SLC30A4: variants seen among roughly 807,000 people sequenced by gnomAD.
SLC30A4 encodes the protein solute carrier family 30 member 4, also known as probable proton-coupled zinc antiporter SLC30A4.
In SLC30A4, 20 loss-of-function variants were observed where a neutral mutation model predicts 41.7. That is an observed-to-expected ratio of 0.48 (90% confidence interval 0.34 to 0.70). The LOEUF (loss-of-function observed/expected upper bound fraction) is 0.70. Ranked by LOEUF, SLC30A4 falls within the 30% of genes least tolerant of loss-of-function variation. The pLI is 0.01. For missense variants in SLC30A4, 441 were observed against 529.3 expected (o/e 0.83, Z 1.64); for synonymous variants, 181 against 195.9 (o/e 0.92, Z 0.64).
At chr15:45,514,299 T>C (rs1399134860) in intron 2 of SLC30A4, among the ~76,000 whole-genome samples, 2 of 149,122 alleles carry the variant, frequency 1.3e-5, no homozygotes, top group African/African-American at 2.5e-5. Flanking sequence ...AGGTGGAGGT[T>C]GTGGTGAGCT....
chr15:45,521,094 C>T, intron 2 of SLC30A4: 2 of 422,072 alleles, frequency 4.7e-6, no homozygotes, highest in Non-Finnish European at 9.5e-6. Flanking sequence ...GGACTGCCAC[C>T]TGTTTTTGTC....
rs1595520999 is a variant in SLC30A4 at position 45,486,503 on chromosome 15, A to G, written c.1135+108T>C. The G allele has an allele frequency of 6.6e-6, 7 of 1,054,384 alleles. No homozygotes were observed. In the East Asian group the frequency reaches 1.9e-4, roughly 29 times the overall value. The allele number at this position is 1,054,384 out of a possible 1,614,324, so 65.3% of individuals were successfully genotyped here. On this transcript the variant is annotated intron_variant, in intron 7 of 7. Coordinates refer to ENST00000261867, the MANE Select transcript of SLC30A4 (RefSeq NM_013309.6). ...AAGACAAAGGCTTTTGTCTTAAAAC[A>G]AATCTTTTCAGCAGAAAAGTCTTCC... is the stretch of plus-strand genomic sequence containing the variant.
intron 3 of SLC30A4, among the ~76,000 whole-genome samples, chr15:45,495,727 C>T (rs143799881): frequency 2.7e-4 from 41 of 152,294 alleles, no homozygotes; most frequent in African/African-American, 9.9e-4. Context: ...ATTCTGGCAG[C>T]CTGCAGCTGA....
rs1402021016 is a variant in SLC30A4, at chr15:45,480,284, A to C, written c.*4879T>G. 8 of 152,200 alleles carry C rather than the reference A, an allele frequency of 5.3e-5. No individual in the cohort carries two copies. Among genetic ancestry groups the C allele is most frequent in the Non-Finnish European group, 1.0e-4 (7 of 68,036 alleles). The allele number at this position is 152,200 out of a possible 1,614,324, so 9.4% of individuals were successfully genotyped here. A position where few individuals can be genotyped will look rare whatever the true frequency, so the allele number is the denominator to read the frequency against. Reference sequence around the variant, plus strand: ...AGGCCTGAGTGCACACATGTAATTCAATACTGAGGAACTCCCACAACACTG... The same window carrying C: ...AGGCCTGAGTGCACACATGTAATTCCATACTGAGGAACTCCCACAACACTG... On this transcript the variant is annotated 3_prime_UTR_variant, in exon 8 of 8. Coordinates refer to ENST00000261867, the MANE Select transcript of SLC30A4 (RefSeq NM_013309.6).
intron 2 of SLC30A4, among the ~76,000 whole-genome samples, chr15:45,516,731 G>A (rs373326773): frequency 2.0e-5 from 3 of 152,014 alleles, no homozygotes; most frequent in Non-Finnish European, 4.4e-5. Context: ...GTAGCTGGGC[G>A]TGATGGTGTG....
Position 45,509,794 on chromosome 15 carries a change from C to T in SLC30A4, c.538+1344G>A, listed in dbSNP as rs541919663. On this transcript the variant is annotated intron_variant, in intron 3 of 7. Coordinates refer to ENST00000261867, the MANE Select transcript of SLC30A4 (RefSeq NM_013309.6). Reference sequence around the variant, plus strand: ...ATGCTGTGGGCCAGTCATGGCAGCTCACACCTGTAATCCCAGCACTCTGGG... The same window carrying T: ...ATGCTGTGGGCCAGTCATGGCAGCTTACACCTGTAATCCCAGCACTCTGGG... 3.9e-5 allele frequency among the ~76,000 whole-genome samples: 6 copies of T among 152,276 alleles called. No homozygotes were observed. The East Asian group carries it at 1.2e-3, about 29-fold the overall frequency.
Position 45,490,887 on chromosome 15 carries a change from G to A in SLC30A4, c.539-6C>T. On this transcript the variant is annotated splice_region_variant and splice_polypyrimidine_tract_variant and intron_variant, in intron 3 of 7. Coordinates refer to ENST00000261867, the MANE Select transcript of SLC30A4 (RefSeq NM_013309.6). Reference sequence around the variant, plus strand: ...AATCATAGCTGACAAAACCTCTAGAGGGAAAAACACATATAACAAATACAT... The same window carrying A: ...AATCATAGCTGACAAAACCTCTAGAAGGAAAAACACATATAACAAATACAT... 2 of 1,550,196 alleles carry A rather than the reference G, an allele frequency of 1.3e-6. No individual in the cohort carries two copies. The highest frequency in any genetic ancestry group is 2.3e-5 in the East Asian group (1 of 44,094).
intron 3 of SLC30A4, among the ~76,000 whole-genome samples, chr15:45,497,911 G>C (rs1891940579): frequency 6.6e-6 from 1 of 151,968 alleles, no homozygotes; most frequent in African/African-American, 2.4e-5. Context: ...CATTCAACAA[G>C]TAACTATGAG....
intron 2 of SLC30A4, among the ~76,000 whole-genome samples, chr15:45,520,706 T>C (rs968921414): frequency 1.3e-5 from 2 of 152,198 alleles, no homozygotes; most frequent in Non-Finnish European, 2.9e-5. Flanking sequence ...CGAAATCCAT[T>C]TAGTGAGCTG....
intron 3 of SLC30A4, among the ~76,000 whole-genome samples, chr15:45,493,209 T>C (rs1206725559): frequency 6.6e-6 from 1 of 151,760 alleles, no homozygotes; most frequent in Non-Finnish European, 1.5e-5. Flanking sequence ...GAGGAGGAGG[T>C]TGCAGTGAGC....
At chr15:45,496,409 C>T (rs866263450) in intron 3 of SLC30A4, among the ~76,000 whole-genome samples, 4 of 152,062 alleles carry the variant, frequency 2.6e-5, no homozygotes, top group Non-Finnish European at 5.9e-5. Context: ...GGTTGGTCTT[C>T]GGTCACATAA....
At chr15:45,490,950 TTA>T in intron 3 of SLC30A4, 69 bp from the exon 4 acceptor site, 1 of 990,780 alleles carries the variant, frequency 1.0e-6, no homozygotes, top group Middle Eastern at 2.4e-4. Context: ...CAACTAAATA[TTA>T]TATAGTCTTT....
chr15:45,514,836 C>G (rs1892417539), intron 2 of SLC30A4, among the ~76,000 whole-genome samples: 1 of 151,856 alleles, frequency 6.6e-6, no homozygotes, highest in Non-Finnish European at 1.5e-5. Context: ...TTTGCCCTTT[C>G]TCTCCAATTA....
At chr15:45,515,431 G>C (rs891947628) in intron 2 of SLC30A4, among the ~76,000 whole-genome samples, 5 of 152,090 alleles carry the variant, frequency 3.3e-5, no homozygotes, top group Admixed American at 2.6e-4. Flanking sequence ...GAGGCGGGTG[G>C]ATCACGAGGT....
chr15:45,493,634 T>TG (rs1332096482), intron 3 of SLC30A4, among the ~76,000 whole-genome samples: 2 of 152,094 alleles, frequency 1.3e-5, no homozygotes, highest in African/African-American at 4.8e-5. Flanking sequence ...GAGACCAGCC[T>TG]GGCCAATATG....
At chr15:45,494,286 AC>A (rs1367465265) in intron 3 of SLC30A4, among the ~76,000 whole-genome samples, 2 of 152,222 alleles carry the variant, frequency 1.3e-5, no homozygotes, top group Admixed American at 1.3e-4. Flanking sequence ...ACCCCAAAAA[AC>A]AAAAAGTAAA....
chr15:45,522,298 C>G lies in SLC30A4; in HGVS notation c.57G>C (p.Ala19=). 1 of 1,614,082 alleles carries G rather than the reference C, an allele frequency of 6.2e-7. No homozygotes were observed. Among genetic ancestry groups the G allele is most frequent in the Non-Finnish European group, 8.5e-7 (1 of 1,180,012 alleles). ...CGCTGGTGTCATTTAAAAACAGCGG[C>G]GCATCATCCTTCCTTAGCATAGATT... is the stretch of plus-strand genomic sequence containing the variant. ...RLKSMLRKDD[A]PLFLNDTSAF... is the part of the protein sequence containing the mutation. Residue 19 remains alanine (A), a synonymous_variant, in exon 2 of 8, where the codon GCG becomes GCC. Transcript: ENST00000261867.
In SLC30A4 at chr15:45,522,088, A is replaced by G; in HGVS notation, c.267T>C (p.Ser89=). 1 of 1,614,136 alleles carries G rather than the reference A, an allele frequency of 6.2e-7. No homozygotes were observed. The highest frequency in any genetic ancestry group is 8.5e-7 in the Non-Finnish European group (1 of 1,180,020). Residue 89 remains serine (S), a synonymous_variant, in exon 2 of 8, where the codon AGT becomes AGC. Transcript: ENST00000261867. ...AGTTGTCACAGGAGTCCACCTTCAAACTCAGCTGACTGTTGGTCAAAGGTA... is the reference window on the plus strand; with the variant it reads ...AGTTGTCACAGGAGTCCACCTTCAAGCTCAGCTGACTGTTGGTCAAAGGTA... ...QDLPLTNSQL[S]LKVDSCDNCS... is the part of the protein sequence containing the mutation.
rs758453958 is a variant in SLC30A4, at chr15:45,522,389, TG to T, written c.-36del. On this transcript the variant is annotated 5_prime_UTR_variant, in exon 2 of 8. Transcript: ENST00000261867. ...TGAGCGGCCGCGGTGCGGAACGGCT[TG>T]GGGGAGGCGGACGGCCGGCGGCGCC... 2 of 1,542,590 alleles carry T rather than the reference TG, an allele frequency of 1.3e-6. No homozygotes were observed.
Sources: allele counts gnomAD v4.1 joint callset (sites outside exome capture counted in the v4.1 genomes callset), GRCh38; gene constraint gnomAD v4.1.1; transcripts MANE v1.5; gene names NCBI Gene and HGNC (gene_info 2026-07-23, HGNC 2026-07-21).